Variants in LRMDA observed in about 807,000 individuals in gnomAD.
LRMDA encodes leucine-rich melanocyte differentiation-associated protein.
Under a neutral mutation model 29.8 loss-of-function variants are expected in LRMDA, and 18 were observed. The observed-to-expected ratio is 0.60, with a 90% CI of 0.42 to 0.90. The LOEUF (loss-of-function observed/expected upper bound fraction) is 0.90, where lower values mean the gene tolerates loss of function less well. LRMDA is among the 40% of genes least tolerant of loss of function. LRMDA has a pLI of 0.00. For missense variants in LRMDA, 273 were observed against 273.9 expected (o/e 1.00, Z 0.02); for synonymous variants, 125 against 109.4 (o/e 1.14, Z -0.89).
intron 2 of LRMDA, among the ~76,000 whole-genome samples, chr10:75,522,157 A>G (rs1324373343): frequency 1.3e-5 from 2 of 152,218 alleles, no homozygotes; most frequent in Non-Finnish European, 2.9e-5. Flanking sequence ...CTTCACATGT[A>G]TTAACTCACT....
At position 76,036,139 on chromosome 10, in the gene LRMDA, C is replaced by T. The variant is rs778145566; in HGVS notation, c.258+5C>T. ...TTAACCCTCAACAAGAACCGAATATCCTTTCCTCTGCCCGCTGCCCCCACT... is the reference window on the plus strand; with the variant it reads ...TTAACCCTCAACAAGAACCGAATATTCTTTCCTCTGCCCGCTGCCCCCACT... On this transcript the variant is annotated splice_donor_5th_base_variant and intron_variant, in intron 3 of 6. Coordinates refer to ENST00000611255, the MANE Select transcript of LRMDA (RefSeq NM_001305581.2). The T allele has an allele frequency of 4.5e-5, 73 of 1,612,322 alleles. No individual in the cohort carries two copies. The highest frequency in any genetic ancestry group is 6.2e-5 in the Non-Finnish European group (73 of 1,179,710).
intron 5 of LRMDA, among the ~76,000 whole-genome samples, chr10:76,158,197 C>G (rs941361810): frequency 6.6e-6 from 1 of 151,008 alleles, no homozygotes; most frequent in Admixed American, 6.6e-5. Context: ...GTCCTAGGGA[C>G]TTTGATCTAC....
chr10:76,436,610 A>T (rs1054956677), intron 6 of LRMDA, among the ~76,000 whole-genome samples: 1 of 152,170 alleles, frequency 6.6e-6, no homozygotes, highest in East Asian at 1.9e-4. Flanking sequence ...ACAGGTTCCT[A>T]TGCGGAGAGC....
At chr10:76,142,339 T>C (rs887364179) in intron 5 of LRMDA, among the ~76,000 whole-genome samples, 4 of 152,166 alleles carry the variant, frequency 2.6e-5, no homozygotes, top group African/African-American at 9.6e-5. Context: ...AGAATATAGA[T>C]AATAACTTAT....
intron 2 of LRMDA, among the ~76,000 whole-genome samples, chr10:75,589,364 A>G (rs1840693602): frequency 2.0e-5 from 3 of 152,230 alleles, no homozygotes; most frequent in Non-Finnish European, 4.4e-5. Context: ...GAGATTAAGT[A>G]TTCTATTATA....
chr10:76,432,332 GCTAGAGGAAAGATCATT>G (rs1842199412), intron 6 of LRMDA, among the ~76,000 whole-genome samples: 1 of 152,120 alleles, frequency 6.6e-6, no homozygotes, highest in Non-Finnish European at 1.5e-5. Context: ...AACATAAAAT[GCTAGAGGAAAGATCATT>G]CTAACACGGT....
intron 2 of LRMDA, among the ~76,000 whole-genome samples, chr10:75,497,373 C>CT (rs1388397106): frequency 2.0e-5 from 3 of 152,070 alleles, no homozygotes; most frequent in Non-Finnish European, 2.9e-5. Context: ...ATCCATCTTG[C>CT]TTTTTTCACG....
At chr10:75,491,309 A>G (rs899107051) in intron 2 of LRMDA, among the ~76,000 whole-genome samples, 1 of 152,160 alleles carries the variant, frequency 6.6e-6, no homozygotes, top group Non-Finnish European at 1.5e-5. Context: ...AATTTGCCTG[A>G]ATTAATTATG....
At chr10:76,034,466 G>A (rs951129612) in intron 2 of LRMDA, among the ~76,000 whole-genome samples, 6 of 152,168 alleles carry the variant, frequency 3.9e-5, no homozygotes, top group Non-Finnish European at 8.8e-5. Flanking sequence ...AGGAGCAGGC[G>A]TGCTCTGGGA....
chr10:75,833,882 T>C (rs2132293845), intron 2 of LRMDA, among the ~76,000 whole-genome samples: 1 of 152,260 alleles, frequency 6.6e-6, no homozygotes, highest in South Asian at 2.1e-4. Context: ...CAGTCACCAG[T>C]CCCAAGCAAT....
chr10:76,029,564 T>C (rs1005812227), intron 2 of LRMDA, among the ~76,000 whole-genome samples: 3 of 152,240 alleles, frequency 2.0e-5, no homozygotes, highest in African/African-American at 7.2e-5. Flanking sequence ...TGGGTAATTA[T>C]ATAACCTCAT....
At chr10:76,091,952 G>T (rs1159160872) in intron 5 of LRMDA, among the ~76,000 whole-genome samples, 2 of 152,186 alleles carry the variant, frequency 1.3e-5, no homozygotes, top group East Asian at 1.9e-4. Flanking sequence ...CTTTCAAAGT[G>T]TTGGGATTAC....
At chr10:75,973,679 C>A (rs185229660) in intron 2 of LRMDA, among the ~76,000 whole-genome samples, 106 of 152,272 alleles carry the variant, frequency 7.0e-4, no homozygotes, top group Non-Finnish European at 1.2e-3. Context: ...CTTGGCCTCC[C>A]AAAGTGCTGG....
intron 2 of LRMDA, among the ~76,000 whole-genome samples, chr10:76,012,242 A>G (rs931298487): frequency 2.6e-5 from 4 of 152,228 alleles, no homozygotes; most frequent in African/African-American, 9.6e-5. Flanking sequence ...TCTTCCAACC[A>G]GAGTTTTCAG....
At chr10:75,496,450 A>G (rs117097285) in intron 2 of LRMDA, among the ~76,000 whole-genome samples, 1,771 of 152,372 alleles carry the variant, frequency 0.012, 17 homozygotes, top group South Asian at 0.019. Flanking sequence ...CACTATGCTA[A>G]GTGCTTAGTA....
chr10:76,458,845 A>C (rs1318431671), intron 6 of LRMDA, among the ~76,000 whole-genome samples: 1 of 152,128 alleles, frequency 6.6e-6, no homozygotes, highest in Non-Finnish European at 1.5e-5. Flanking sequence ...ATATATTAAG[A>C]AGATTCGGCA....
chr10:76,191,681 T>C (rs1431996047), intron 5 of LRMDA, among the ~76,000 whole-genome samples: 3 of 152,182 alleles, frequency 2.0e-5, no homozygotes, highest in Non-Finnish European at 4.4e-5. Context: ...AGCAGCTGTT[T>C]AGTGACAGAC....
intron 2 of LRMDA, among the ~76,000 whole-genome samples, chr10:75,528,201 G>A (rs1845436160): frequency 2.0e-5 from 3 of 152,190 alleles, no homozygotes; most frequent in African/African-American, 7.2e-5. Flanking sequence ...CCCAATGCCT[G>A]CGAGTTGGTA....
At position 76,255,198 on chromosome 10, in the gene LRMDA, G is replaced by GAAT. The variant is rs1331039981; in HGVS notation, c.517-69200_517-69198dup. Among the ~76,000 whole-genome samples the GAAT allele has an allele frequency of 2.6e-5, 4 of 152,064 alleles. No individual in the cohort carries two copies. In the East Asian group the frequency reaches 7.7e-4, roughly 29 times the overall value. On this transcript the variant is annotated intron_variant, in intron 5 of 6. Coordinates refer to ENST00000611255, the MANE Select transcript of LRMDA (RefSeq NM_001305581.2). ...TGCCTTTTGTTTTTTTCTCTATGAAGAATAAAATAATTTTATGGTGCAAAA... is the reference window on the plus strand; with the variant it reads ...TGCCTTTTGTTTTTTTCTCTATGAAGAATAATAAAATAATTTTATGGTGCAAAA...
Sources: allele counts gnomAD v4.1 joint callset (sites outside exome capture counted in the v4.1 genomes callset), GRCh38; gene constraint gnomAD v4.1.1; transcripts MANE v1.5; gene names NCBI Gene and HGNC (gene_info 2026-07-23, HGNC 2026-07-21).